The following BMP5 variants were observed in gnomAD, a reference collection of about 807,000 sequenced individuals.
The protein encoded by BMP5 is bone morphogenetic protein 5.
Under a neutral mutation model 46.6 loss-of-function variants are expected in BMP5, and 23 were observed. The observed-to-expected ratio is 0.49, with a 90% CI of 0.35 to 0.70. The LOEUF is 0.70. Among genes scored for constraint, BMP5 ranks in the 30% least tolerant of loss-of-function variants. The pLI is 0.00. For missense variants in BMP5, 545 were observed against 565.6 expected (o/e 0.96, Z 0.37); for synonymous variants, 204 against 191.9 (o/e 1.06, Z -0.52).
intron 3 of BMP5, among the ~76,000 whole-genome samples, chr6:55,778,824 A>C (rs1358545693): frequency 1.3e-5 from 2 of 152,040 alleles, no homozygotes; most frequent in Non-Finnish European, 2.9e-5. Flanking sequence ...GAACTACTAA[A>C]TTTTGTCATA....
At chr6:55,796,819 A>G (rs879474433) in intron 2 of BMP5, among the ~76,000 whole-genome samples, 1 of 152,122 alleles carries the variant, frequency 6.6e-6, no homozygotes, top group Non-Finnish European at 1.5e-5. Flanking sequence ...AGCATCAAGA[A>G]TGGCCTAAAT....
rs745618752 is a variant in BMP5 at position 55,755,569 on chromosome 6, A to G, written c.1329T>C (p.Tyr443=). Residue 443 remains tyrosine, a synonymous_variant, in exon 7 of 7, where the codon TAT becomes TAC. Coordinates refer to ENST00000370830, the MANE Select transcript of BMP5 (RefSeq NM_021073.4). ...DDSSNVILKK[Y]RNMVVRSCGC... Reference sequence around the variant, plus strand: ...CACATGAGCGTACTACCATATTTCTATATTTTTTCAAAATGACATTGGAGC... The same window carrying G: ...CACATGAGCGTACTACCATATTTCTGTATTTTTTCAAAATGACATTGGAGC... The G allele has an allele frequency of 3.7e-6, 6 of 1,611,458 alleles. No homozygotes were observed. In the Admixed American group the frequency reaches 5.0e-5, roughly 13 times the overall value.
chr6:55,773,059 CTGTT>C (rs1218891559), intron 4 of BMP5: 6 of 360,154 alleles, frequency 1.7e-5, no homozygotes, highest in African/African-American at 1.3e-4. Flanking sequence ...ATGACAAAGA[CTGTT>C]TGAAGTTAGA....
At position 55,794,421 on chromosome 6, in the gene BMP5, T is replaced by G; in HGVS notation, c.690A>C (p.Ala230=). The change falls in exon 3 of 7, where the codon GCA becomes GCC. Residue 230 remains alanine (A), a synonymous_variant. Coordinates refer to ENST00000370830, the MANE Select transcript of BMP5 (RefSeq NM_021073.4). The part of the protein sequence containing the change: ...QIIKEYTNRD[A]DLFLLDTRKA... ...TTCTTGTGTCTAACAAGAACAGATC[T>G]GCATCCCTAAAAAGAAAAGGAACAA... is the stretch of plus-strand genomic sequence containing the variant. The G allele has an allele frequency of 6.2e-7, 1 of 1,613,924 alleles. No homozygotes were observed. The highest frequency in any genetic ancestry group is 8.5e-7 in the Non-Finnish European group (1 of 1,179,868).
intron 3 of BMP5, among the ~76,000 whole-genome samples, chr6:55,789,829 A>G (rs2127527264): frequency 6.6e-6 from 1 of 152,180 alleles, no homozygotes; most frequent in South Asian, 2.1e-4. Flanking sequence ...TGTTTGTATT[A>G]TTTTGCTGAA....
chr6:55,845,144 C>CA (rs1777066243), intron 1 of BMP5, among the ~76,000 whole-genome samples: 1 of 152,028 alleles, frequency 6.6e-6, no homozygotes, highest in South Asian at 2.1e-4. Flanking sequence ...CTTTACATGG[C>CA]ACATGTGCAT....
At chr6:55,782,774 A>G (rs951851927) in intron 3 of BMP5, among the ~76,000 whole-genome samples, 1 of 152,164 alleles carries the variant, frequency 6.6e-6, no homozygotes, top group African/African-American at 2.4e-5. Flanking sequence ...TTAAGAGAGA[A>G]GCAACAGCTG....
intron 1 of BMP5, among the ~76,000 whole-genome samples, chr6:55,854,498 A>T (rs190205289): frequency 6.0e-4 from 91 of 152,074 alleles, no homozygotes; most frequent in African/African-American, 1.8e-3. Context: ...ATATGTGTGT[A>T]TATATGCATA....
intron 1 of BMP5, among the ~76,000 whole-genome samples, chr6:55,822,261 T>C (rs966465712): frequency 5.3e-5 from 8 of 152,164 alleles, no homozygotes; most frequent in African/African-American, 1.9e-4. Context: ...TATTTACAAG[T>C]CCAAAATCCA....
At chr6:55,857,208 T>G (rs1777421670) in intron 1 of BMP5, among the ~76,000 whole-genome samples, 1 of 152,312 alleles carries the variant, frequency 6.6e-6, no homozygotes, top group South Asian at 2.1e-4. Context: ...GGCATTATTT[T>G]TGCAGCTAAC....
At chr6:55,812,661 G>T (rs958608146) in intron 2 of BMP5, among the ~76,000 whole-genome samples, 2 of 152,110 alleles carry the variant, frequency 1.3e-5, no homozygotes, top group East Asian at 3.8e-4. Flanking sequence ...GAGTTTAACT[G>T]AAAATACGAA....
intron 1 of BMP5, among the ~76,000 whole-genome samples, chr6:55,844,353 T>C (rs1291249822): frequency 6.6e-6 from 1 of 152,000 alleles, no homozygotes; most frequent in Non-Finnish European, 1.5e-5. Flanking sequence ...AACACATCAA[T>C]CTAAAGATAG....
In BMP5 at chr6:55,791,924, C is replaced by T. The variant is rs1313914915; in HGVS notation, c.832+2355G>A. Among the ~76,000 whole-genome samples, 8 of 152,284 alleles carry T rather than the reference C, an allele frequency of 5.3e-5. No individual in the cohort carries two copies. In the East Asian group the frequency reaches 1.2e-3, roughly 22 times the overall value. ...ACCAGGGAAGGAACGATTGGCTTAC[C>T]TCCCCAGTGCCAATTTCCCAGTCAC... On this transcript the variant is annotated intron_variant, in intron 3 of 6. Transcript: ENST00000370830.
At chr6:55,825,376 G>A (rs1463756042) in intron 1 of BMP5, among the ~76,000 whole-genome samples, 1 of 151,626 alleles carries the variant, frequency 6.6e-6, no homozygotes, top group East Asian at 1.9e-4. Context: ...TTTAAAAAGT[G>A]GTAACATCAA....
Position 55,756,233 on chromosome 6 carries a change from T to A in BMP5, c.1216-551A>T, listed in dbSNP as rs140412202. On this transcript the variant is annotated intron_variant, in intron 6 of 6. Coordinates refer to ENST00000370830, the MANE Select transcript of BMP5 (RefSeq NM_021073.4). ...TAATCCAATACTTGCCTTAGAGCAA[T>A]GATTTCAGCTCTTCATAGAATTTTT... 7.7e-3 allele frequency among the ~76,000 whole-genome samples: 1,165 copies of A among 152,054 alleles called. 12 individuals carry two copies. The highest frequency in any genetic ancestry group is 0.027 in the African/African-American group (1,126 of 41,518).
chr6:55,859,249 A>G (rs1242291844), intron 1 of BMP5, among the ~76,000 whole-genome samples: 1 of 152,224 alleles, frequency 6.6e-6, no homozygotes. Context: ...GAACTCCTCA[A>G]TGTAATTCTG....
At chr6:55,773,984 A>G in intron 4 of BMP5, 65 bp downstream of exon 4, 1 of 1,539,104 alleles carries the variant, frequency 6.5e-7, no homozygotes, top group Non-Finnish European at 9.0e-7. Context: ...TATTGTGGCT[A>G]CTTGATTTGC....
At chr6:55,820,803 C>G (rs1401107120) in intron 1 of BMP5, among the ~76,000 whole-genome samples, 1 of 152,080 alleles carries the variant, frequency 6.6e-6, no homozygotes, top group Non-Finnish European at 1.5e-5. Context: ...TACAAAGTCT[C>G]TCAAAAACCT....
At chr6:55,758,807 G>A (rs759444738) in intron 6 of BMP5, among the ~76,000 whole-genome samples, 198 bp downstream of exon 6, 1 of 151,726 alleles carries the variant, frequency 6.6e-6, no homozygotes, top group Non-Finnish European at 1.5e-5. Context: ...CTTCTCCATT[G>A]TGTAACTGGG....
Sources: gnomAD v4.1 joint callset for allele counts (sites outside exome capture counted in the v4.1 genomes callset) on GRCh38, gnomAD v4.1.1 for gene constraint, MANE v1.5 for transcripts, NCBI Gene and HGNC (gene_info 2026-07-23, HGNC 2026-07-21) for gene names.